Variants in RBPJ observed in about 807,000 individuals in gnomAD.
RBPJ encodes the protein recombination signal binding protein for immunoglobulin kappa J region.
RBPJ carries 9 observed loss-of-function variants against 67.8 expected under a neutral mutation model. That is an observed-to-expected ratio of 0.13 (90% CI 0.08 to 0.23). The LOEUF (loss-of-function observed/expected upper bound fraction) is 0.23, where lower values mean the gene tolerates loss of function less well. Ranked by LOEUF, RBPJ falls within the 10% of genes least tolerant of loss-of-function variation. The pLI is 1.00. For missense variants in RBPJ, 305 were observed against 595.6 expected (o/e 0.51, Z 5.08); for synonymous variants, 198 against 203.3 (o/e 0.97, Z 0.22).
At position 26,338,156 on chromosome 4, in the gene RBPJ, C is replaced by CTT. The variant is rs773976269; in HGVS notation, c.20+17125_20+17126dup. Among the ~76,000 whole-genome samples, 113 of 88,996 alleles carry CTT rather than the reference C, an allele frequency of 1.3e-3. 2 individuals carry two copies. Among genetic ancestry groups the CTT allele is most frequent in the African/African-American group, 2.7e-3 (59 of 21,978 alleles). The allele number at this position is 88,996 out of a possible 152,430, so 58.4% of individuals were successfully genotyped here. On this transcript the variant is annotated intron_variant, in intron 1 of 10. Coordinates refer to ENST00000355476, the MANE Select transcript of RBPJ (RefSeq NM_015874.6). Reference sequence around the variant, plus strand: ...AACATTCTTATGTGTATTTTTCTTTCTTTTTTTTTTTTTTTTTTGAGATGG... The same window carrying CTT: ...AACATTCTTATGTGTATTTTTCTTTCTTTTTTTTTTTTTTTTTTTTGAGATGG...
chr4:26,286,047 C>T (rs1721454198), intron 1 of RBPJ, among the ~76,000 whole-genome samples: 1 of 152,154 alleles, frequency 6.6e-6, no homozygotes, highest in African/African-American at 2.4e-5. Flanking sequence ...GGCTGCAGTG[C>T]GCTATGATCG....
At chr4:26,428,396 C>T (rs928860558) in intron 7 of RBPJ, among the ~76,000 whole-genome samples, 3 of 152,002 alleles carry the variant, frequency 2.0e-5, no homozygotes, top group Non-Finnish European at 4.4e-5. Context: ...CTGTGTTTTT[C>T]ACAAGAACCC....
In RBPJ at chr4:26,365,078, T is replaced by C. The variant is rs545835566; in HGVS notation, c.21-21275T>C. On this transcript the variant is annotated intron_variant, in intron 1 of 10. Coordinates refer to ENST00000355476, the MANE Select transcript of RBPJ (RefSeq NM_015874.6). ...TTAGAAAAATAAGCATATTGTTATATAATTATATAATATGATTTATATATA... is the reference window on the plus strand; with the variant it reads ...TTAGAAAAATAAGCATATTGTTATACAATTATATAATATGATTTATATATA... 4.0e-5 allele frequency among the ~76,000 whole-genome samples: 6 copies of C among 150,578 alleles called. No individual in the cohort carries two copies. In the East Asian group the frequency reaches 1.2e-3, roughly 29 times the overall value.
intron 1 of RBPJ, among the ~76,000 whole-genome samples, chr4:26,184,180 T>G (rs1577446354): frequency 9.8e-6 from 1 of 101,792 alleles, no homozygotes. Context: ...AGACTTCATC[T>G]CAAAAAAAAA....
intron 3 of RBPJ, 80 bp downstream of exon 3, chr4:26,406,350 G>C (rs774178223): frequency 1.1e-6 from 1 of 876,718 alleles, no homozygotes; most frequent in Non-Finnish European, 1.9e-6. Flanking sequence ...ACATGTCAGA[G>C]GATGGCTTCT....
intron 1 of RBPJ, among the ~76,000 whole-genome samples, chr4:26,375,082 C>T (rs1729566166): frequency 6.6e-6 from 1 of 151,878 alleles, no homozygotes; most frequent in African/African-American, 2.4e-5. Flanking sequence ...GCAGGGGGAT[C>T]ACCGGAGCTC....
chr4:26,227,797 T>G (rs79765475), intron 1 of RBPJ, among the ~76,000 whole-genome samples: 2,410 of 152,322 alleles, frequency 0.016, 77 homozygotes, highest in African/African-American at 0.055. Flanking sequence ...CTGACACATG[T>G]CAGATGTCAG....
At chr4:26,124,173 A>G in the RBPJ span, among the ~76,000 whole-genome samples, 4 of 151,626 alleles carry the variant, frequency 2.6e-5, no homozygotes, top group Non-Finnish European at 4.4e-5. Context: ...TACCCTGCAC[A>G]CTATTTGTAG....
chr4:26,188,875 T>C (rs1271618937), intron 1 of RBPJ, among the ~76,000 whole-genome samples: 1 of 152,242 alleles, frequency 6.6e-6, no homozygotes, highest in Non-Finnish European at 1.5e-5. Flanking sequence ...TAGATCTGAT[T>C]TAATTAATTT....
In RBPJ at chr4:26,430,885, C is replaced by T; in HGVS notation, c.1342C>T (p.Leu448Phe). ...RPHCSAAGAI[L>F]RANSSQVPPN... ...ACATTGCAGTGCAGCAGGAGCAATC[C>T]TTCGAGCCAATTCAAGCCAGGTGCC... is the stretch of plus-strand genomic sequence containing the variant. Residue 448 changes from leucine to phenylalanine, a missense_variant, in exon 11 of 11, where the codon CTT (leucine) becomes TTT (phenylalanine). By Grantham distance (22) the Leu-to-Phe change is conservative (BLOSUM62 0). Around this residue, in one of 7 missense-constraint regions of RBPJ, gnomAD observed 51 missense variants for 52.8 expected, o/e 0.97. Transcript: ENST00000355476. This position sits in a 1 kb window ranked among gnomAD's most constrained non-coding sequence, Gnocchi z 4.1. 3 of 1,613,984 alleles carry T rather than the reference C, an allele frequency of 1.9e-6. No homozygotes were observed. Among genetic ancestry groups the T allele is most frequent in the Non-Finnish European group, 2.5e-6 (3 of 1,179,998 alleles).
rs557668756 is a variant in RBPJ at position 26,230,761 on chromosome 4, A to G, written c.-167+67147A>G. Among the ~76,000 whole-genome samples the G allele has an allele frequency of 3.2e-4, 49 of 152,284 alleles. No individual in the cohort carries two copies. The South Asian group carries it at 3.9e-3, about 12-fold the overall frequency. On this transcript the variant is annotated intron_variant, in intron 1 of 4. Transcript: ENST00000512351. Reference sequence around the variant, plus strand: ...CTCTTCTATTTTTTTTCAAATAACCATTAGCTTTCCACACTTTCGACCTAG... The same window carrying G: ...CTCTTCTATTTTTTTTCAAATAACCGTTAGCTTTCCACACTTTCGACCTAG...
At chr4:26,375,978 A>C (rs1325998292) in intron 1 of RBPJ, among the ~76,000 whole-genome samples, 1 of 152,068 alleles carries the variant, frequency 6.6e-6, no homozygotes, top group African/African-American at 2.4e-5. Context: ...AGTTTTGACA[A>C]CTACTTGTCT....
intron 1 of RBPJ, among the ~76,000 whole-genome samples, chr4:26,191,180 AATAT>A (rs1245359104): frequency 2.0e-3 from 119 of 59,662 alleles, no homozygotes; most frequent in African/African-American, 4.0e-3. Flanking sequence ...AAAAAAAAAA[AATAT>A]ATATATATAT....
the RBPJ span, among the ~76,000 whole-genome samples, chr4:26,137,626 C>T: frequency 6.6e-6 from 1 of 152,200 alleles, no homozygotes; most frequent in Non-Finnish European, 1.5e-5. Flanking sequence ...AATATAATGC[C>T]TGGCTGCTGT....
At chr4:26,251,600 T>C (rs907640717) in intron 1 of RBPJ, among the ~76,000 whole-genome samples, 2 of 140,130 alleles carry the variant, frequency 1.4e-5, no homozygotes, top group African/African-American at 5.5e-5. Flanking sequence ...ATCATGCCAC[T>C]GCACATGAGC....
At chr4:26,241,203 TAA>T (rs749378144) in intron 1 of RBPJ, among the ~76,000 whole-genome samples, 4 of 97,962 alleles carry the variant, frequency 4.1e-5, no homozygotes, top group Non-Finnish European at 4.3e-5. Context: ...TCTCCAAAAA[TAA>T]AAAAAAAAAA....
At chr4:26,159,918 TCTCTC>T (rs1190688532), upstream of RBPJ, among the ~76,000 whole-genome samples, 2 of 148,888 alleles carry the variant, frequency 1.3e-5, no homozygotes, top group Non-Finnish European at 3.0e-5. Flanking sequence ...TCTCTCTCTC[TCTCTC>T]TTTTTTTTTT....
intron 1 of RBPJ, among the ~76,000 whole-genome samples, chr4:26,331,529 A>G (rs1276040396): frequency 6.6e-6 from 1 of 152,132 alleles, no homozygotes; most frequent in Non-Finnish European, 1.5e-5. Flanking sequence ...CCAAGCCTTG[A>G]TGGGTAGAGT....
At position 26,430,061 on chromosome 4, in the gene RBPJ, C is replaced by T. The variant is rs775975303; in HGVS notation, c.1044+8C>T. On this transcript the variant is annotated splice_region_variant and intron_variant, in intron 9 of 10. Transcript: ENST00000355476. The surrounding 1 kb of genome is among the most constrained non-coding windows in gnomAD (Gnocchi z 4.1). Reference sequence around the variant, plus strand: ...GTGGTAGAGAGCCTTCAGGTGAGAACGCCTAGTCCAAGTTGGCCTTCAGCT... The same window carrying T: ...GTGGTAGAGAGCCTTCAGGTGAGAATGCCTAGTCCAAGTTGGCCTTCAGCT... 208 of 1,613,754 alleles carry T rather than the reference C, an allele frequency of 1.3e-4. 2 individuals are homozygous for T. The highest frequency in any genetic ancestry group is 9.9e-4 in the South Asian group (90 of 91,082).
Sources: gnomAD v4.1 joint callset for allele counts (sites outside exome capture counted in the v4.1 genomes callset) on GRCh38, gnomAD v4.1.1 for gene constraint, gnomAD v4.1.1 regional missense constraint, Gnocchi (gnomAD v3.1) non-coding constraint, MANE v1.5 for transcripts, NCBI Gene and HGNC (gene_info 2026-07-23, HGNC 2026-07-21) for gene names.